Variants in PARD3 observed in about 807,000 individuals in gnomAD.
The protein encoded by PARD3 is par-3 family cell polarity regulator.
PARD3 carries 75 observed loss-of-function variants against 155.4 expected under a neutral mutation model. That is an observed-to-expected ratio of 0.48 (90% CI 0.40 to 0.58). The LOEUF (loss-of-function observed/expected upper bound fraction) is 0.58. Among genes scored for constraint, PARD3 ranks in the 20% least tolerant of loss-of-function variants. The pLI, the probability that PARD3 is intolerant of heterozygous loss-of-function variation, is 0.00. For missense variants in PARD3, 1,642 were observed against 1,721.7 expected, an observed-to-expected ratio of 0.95 and a Z score of 0.82; for synonymous variants, 576 against 610.5, an observed-to-expected ratio of 0.94 and a Z score of 0.83.
chr10:34,426,298 T>C (rs991034664), intron 5 of PARD3, among the ~76,000 whole-genome samples: 1 of 152,186 alleles, frequency 6.6e-6, no homozygotes, highest in Non-Finnish European at 1.5e-5. Context: ...TGGTACATGG[T>C]GAACATTCAG....
rs80275808 is a variant in PARD3, at chr10:34,336,077, G to A, written c.2605+122C>T. 8.4e-3 allele frequency: 5,639 copies of A among 668,770 alleles called. 237 individuals carry two copies. In the African/African-American group the frequency reaches 0.094, roughly 11 times the overall value. The allele number at this position is 668,770 out of a possible 1,614,324, so 41.4% of individuals were successfully genotyped here. A position where few individuals can be genotyped will look rare whatever the true frequency, so the allele number is the denominator to read the frequency against. ...CTTATGTAATTCAATTTCTCACAAT[G>A]AAAACATCTGCGTAAGACTGGAATA... On this transcript the variant is annotated intron_variant, in intron 18 of 24. Coordinates refer to ENST00000374788, the MANE Select transcript of PARD3 (RefSeq NM_001184785.2).
chr10:34,616,587 ATAAGT>A (rs2132668734), intron 2 of PARD3, among the ~76,000 whole-genome samples: 1 of 152,330 alleles, frequency 6.6e-6, no homozygotes, highest in African/African-American at 2.4e-5. Flanking sequence ...GTGAAGTGAA[ATAAGT>A]TAGGTACAGA....
chr10:34,277,453 A>G (rs1435727941), intron 21 of PARD3, among the ~76,000 whole-genome samples: 1 of 152,166 alleles, frequency 6.6e-6, no homozygotes, highest in African/African-American at 2.4e-5. Context: ...CTATTCCACT[A>G]AATTTCTTAC....
intron 3 of PARD3, among the ~76,000 whole-genome samples, chr10:34,502,925 C>A (rs1342030923): frequency 6.6e-6 from 1 of 152,128 alleles, no homozygotes; most frequent in Non-Finnish European, 1.5e-5. Context: ...GCCCAGCTGG[C>A]TTTCCTCCCT....
intron 22 of PARD3, among the ~76,000 whole-genome samples, chr10:34,266,157 A>G: frequency 6.6e-6 from 1 of 152,114 alleles, no homozygotes; most frequent in East Asian, 1.9e-4. Flanking sequence ...TTTTATTTTT[A>G]CACATATTTA....
intron 1 of PARD3, among the ~76,000 whole-genome samples, chr10:34,709,685 G>A (rs555690320): frequency 6.6e-6 from 1 of 152,244 alleles, no homozygotes; most frequent in African/African-American, 2.4e-5. Flanking sequence ...AGGGGCAGGA[G>A]CTGGAATTTG....
intron 23 of PARD3, among the ~76,000 whole-genome samples, chr10:34,128,715 TA>T (rs896222666): frequency 6.6e-6 from 1 of 152,224 alleles, no homozygotes; most frequent in African/African-American, 2.4e-5. Flanking sequence ...ATTTGGTCAC[TA>T]AATCCCTTAA....
At chr10:34,763,790 C>T (rs1173416634) in intron 1 of PARD3, among the ~76,000 whole-genome samples, 4 of 152,166 alleles carry the variant, frequency 2.6e-5, no homozygotes, top group Non-Finnish European at 5.9e-5. Context: ...GCTTTTGCCA[C>T]AACACAGATT....
chr10:34,216,443 T>C lies in PARD3; in HGVS notation c.3419+53214A>G, dbSNP rs373489575. Reference sequence around the variant, plus strand: ...ACCTTATCTCCTAGTGCCACTGCCTTCCTGGAGTAATTGATGCTTGGAGTC... The same window carrying C: ...ACCTTATCTCCTAGTGCCACTGCCTCCCTGGAGTAATTGATGCTTGGAGTC... On this transcript the variant is annotated intron_variant, in intron 22 of 24. Transcript: ENST00000374788. Among the ~76,000 whole-genome samples, 21 of 152,332 alleles carry C rather than the reference T, an allele frequency of 1.4e-4. No homozygotes were observed. The East Asian group carries it at 3.3e-3, about 24-fold the overall frequency.
At chr10:34,311,692 A>G (rs1363897305) in intron 20 of PARD3, among the ~76,000 whole-genome samples, 1 of 152,212 alleles carries the variant, frequency 6.6e-6, no homozygotes, top group African/African-American at 2.4e-5. Flanking sequence ...ACACGGGAAG[A>G]ACCTGCTGGT....
intron 2 of PARD3, among the ~76,000 whole-genome samples, chr10:34,623,230 G>A (rs1457514388): frequency 2.0e-5 from 3 of 152,124 alleles, no homozygotes; most frequent in Admixed American, 6.5e-5. Flanking sequence ...AGAAGCCCAG[G>A]AACACCACCG....
intron 15 of PARD3, among the ~76,000 whole-genome samples, chr10:34,342,023 C>G (rs1836884556): frequency 6.6e-6 from 1 of 152,180 alleles, no homozygotes; most frequent in Non-Finnish European, 1.5e-5. Context: ...TCTGACGCTA[C>G]AACTATATAG....
intron 2 of PARD3, among the ~76,000 whole-genome samples, chr10:34,662,871 G>GAAAAAAAAAAAAAAAAAAA (rs568672135): frequency 1.6e-5 from 2 of 123,630 alleles, no homozygotes; most frequent in African/African-American, 6.1e-5. Flanking sequence ...AACTGTCTCA[G>GAAAAAAAAAAAAAAAAAAA]AAAAAAAAAA....
chr10:34,806,944 T>C (rs1843471913), intron 1 of PARD3, among the ~76,000 whole-genome samples: 1 of 152,170 alleles, frequency 6.6e-6, no homozygotes, highest in Non-Finnish European at 1.5e-5. Flanking sequence ...GCTTGTAAGA[T>C]TTGCCAAAGC....
At chr10:34,786,594 C>G (rs1302936114) in intron 1 of PARD3, among the ~76,000 whole-genome samples, 2 of 152,068 alleles carry the variant, frequency 1.3e-5, no homozygotes, top group African/African-American at 4.8e-5. Flanking sequence ...AACCACAGAC[C>G]CAGGCATCTT....
chr10:34,348,196 G>A, intron 14 of PARD3, 81 bp from the exon 15 acceptor site: 4 of 1,266,060 alleles, frequency 3.2e-6, no homozygotes, highest in South Asian at 3.3e-5. Flanking sequence ...ATAACAACTT[G>A]CCCGAGGCCT....
At chr10:34,594,052 A>G (rs541939555) in intron 2 of PARD3, among the ~76,000 whole-genome samples, 3 of 152,218 alleles carry the variant, frequency 2.0e-5, no homozygotes, top group Non-Finnish European at 4.4e-5. Context: ...TGCATTTATT[A>G]CAGCCTACAA....
At chr10:34,501,555 T>C (rs1324529944) in intron 3 of PARD3, among the ~76,000 whole-genome samples, 1 of 152,216 alleles carries the variant, frequency 6.6e-6, no homozygotes, top group Non-Finnish European at 1.5e-5. Context: ...TTCATTACTT[T>C]CCTTCCCAAA....
chr10:34,646,804 C>A (rs1428166737), intron 2 of PARD3, among the ~76,000 whole-genome samples: 4 of 152,204 alleles, frequency 2.6e-5, no homozygotes, highest in African/African-American at 9.7e-5. Context: ...GCCTCCCAAG[C>A]AGCTGGGACC....
Sources: allele counts gnomAD v4.1 joint callset (sites outside exome capture counted in the v4.1 genomes callset), GRCh38; gene constraint gnomAD v4.1.1; transcripts MANE v1.5; gene names NCBI Gene and HGNC (gene_info 2026-07-23, HGNC 2026-07-21).